Variants in TRDMT1 observed in about 807,000 individuals in gnomAD.
TRDMT1 encodes the protein tRNA (cytosine(38)-C(5))-methyltransferase.
TRDMT1 carries 49 observed loss-of-function variants against 51.2 expected under a neutral mutation model. The ratio of observed to expected loss-of-function variants is 0.96; its 90% CI spans 0.76 to 1.21. TRDMT1 has a LOEUF of 1.21. Ranked by LOEUF, TRDMT1 falls within the 50% of genes most tolerant of loss-of-function variation. The pLI, the probability that TRDMT1 is intolerant of heterozygous loss-of-function variation, is 0.00. For missense variants in TRDMT1, 534 were observed against 462.3 expected, an observed-to-expected ratio of 1.16 and a Z score of -1.42; for synonymous variants, 187 against 164.6, an observed-to-expected ratio of 1.14 and a Z score of -1.04.
rs1485561356 is a variant in TRDMT1, at chr10:17,153,202, G to C, written c.1075+305C>G. ...GACCTCTGGAAAAGAAAATAAGCTG[G>C]AAAGGGGATGCTATGCACAGCCATC... is the stretch of plus-strand genomic sequence containing the variant. On this transcript the variant is annotated intron_variant, in intron 10 of 10. Transcript: ENST00000377799. The C allele has an allele frequency of 6.0e-5, 26 of 434,164 alleles. No individual in the cohort carries two copies. The East Asian group carries it at 8.7e-4, about 15-fold the overall frequency. The allele number at this position is 434,164 out of a possible 1,614,324, so 26.9% of individuals were successfully genotyped here.
chr10:17,194,083 C>T (rs1282418952), intron 1 of TRDMT1, among the ~76,000 whole-genome samples: 2 of 152,130 alleles, frequency 1.3e-5, no homozygotes, highest in Admixed American at 1.3e-4. Context: ...ATAAACGGTG[C>T]TAGGATAGCT....
intron 1 of TRDMT1, among the ~76,000 whole-genome samples, chr10:17,190,650 C>A (rs1844572975): frequency 6.6e-6 from 1 of 152,112 alleles, no homozygotes; most frequent in South Asian, 2.1e-4. Context: ...CACAACCATG[C>A]CTACAAAAAC....
At chr10:17,191,238 T>C (rs1397231941) in intron 1 of TRDMT1, among the ~76,000 whole-genome samples, 1 of 152,180 alleles carries the variant, frequency 6.6e-6, no homozygotes, top group Non-Finnish European at 1.5e-5. Context: ...TTCAGGACTC[T>C]GGTTTCTGAG....
At chr10:17,184,639 C>T (rs1166776823) in intron 1 of TRDMT1, among the ~76,000 whole-genome samples, 1 of 152,076 alleles carries the variant, frequency 6.6e-6, no homozygotes, top group Non-Finnish European at 1.5e-5. Context: ...ATTTCTGCTA[C>T]AGATACCTCT....
At chr10:17,185,584 G>A (rs561976160) in intron 1 of TRDMT1, among the ~76,000 whole-genome samples, 2 of 152,284 alleles carry the variant, frequency 1.3e-5, no homozygotes, top group Non-Finnish European at 2.9e-5. Flanking sequence ...TATAAATCAT[G>A]CTGCCATAAA....
Position 17,149,115 on chromosome 10 carries a change from T to A in TRDMT1, c.1101A>T (p.Lys367Asn), listed in dbSNP as rs1411106482. The A allele has an allele frequency of 5.0e-6, 8 of 1,610,984 alleles. No individual in the cohort carries two copies. The highest frequency in any genetic ancestry group is 6.8e-6 in the Non-Finnish European group (8 of 1,178,782). The change falls in exon 11 of 11, where the codon AAA (lysine) becomes AAT (asparagine). Residue 367 changes from lysine to asparagine, a missense_variant. By Grantham distance (94) the Lys-to-Asn change is moderately conservative (BLOSUM62 0). Transcript: ENST00000377799. ...EFGFPEKITV[K>N]QRYRLLGNSL... ...TATTTCCAAGTAGGCGATAACGCTG[T>A]TTCACTGTTATCTTCTCAGGAAATC...
At chr10:17,191,174 G>A (rs1348378726) in intron 1 of TRDMT1, among the ~76,000 whole-genome samples, 1 of 152,198 alleles carries the variant, frequency 6.6e-6, no homozygotes, top group Non-Finnish European at 1.5e-5. Flanking sequence ...ACAGCCACAG[G>A]AGATGTGGCC....
At chr10:17,171,111 ATGTGTGTG>A (rs66891484) in intron 2 of TRDMT1, among the ~76,000 whole-genome samples, 2 of 142,824 alleles carry the variant, frequency 1.4e-5, no homozygotes, top group South Asian at 4.5e-4. Context: ...CTGGATTTAG[ATGTGTGTG>A]TGTGTGTGTG....
At chr10:17,161,853 T>G (rs966003013) in intron 4 of TRDMT1, among the ~76,000 whole-genome samples, 1 of 152,202 alleles carries the variant, frequency 6.6e-6, no homozygotes, top group Non-Finnish European at 1.5e-5. Flanking sequence ...CTTTAAGGGT[T>G]TGCACATATT....
chr10:17,151,591 A>C (rs1358005840), intron 10 of TRDMT1: 1 of 985,492 alleles, frequency 1.0e-6, no homozygotes, highest in Non-Finnish European at 1.2e-6. Context: ...AAAACATATC[A>C]CGTATTTTAG....
intron 1 of TRDMT1, among the ~76,000 whole-genome samples, chr10:17,180,866 T>A (rs7903252): frequency 0.95 from 144,324 of 152,286 alleles, 68,760 homozygotes; most frequent in Non-Finnish European, 1. Flanking sequence ...TTTTCCTATT[T>A]CAGAACTCAA....
At position 17,147,276 on chromosome 10, in the gene TRDMT1, T is replaced by A. The variant is rs547821389; in HGVS notation, c.*1764A>T. The A allele has an allele frequency of 3.2e-5, 32 of 985,712 alleles. No homozygotes were observed. The South Asian group carries it at 1.4e-3, about 43-fold the overall frequency. The allele number at this position is 985,712 out of a possible 1,614,324, so 61.1% of individuals were successfully genotyped here. On this transcript the variant is annotated 3_prime_UTR_variant, in exon 11 of 11. Transcript: ENST00000377799. Reference sequence around the variant, plus strand: ...GTAATAGGCTCTGTCTGAACACATATGAAAAATGTAGATAGTGATAGTTTC... The same window carrying A: ...GTAATAGGCTCTGTCTGAACACATAAGAAAAATGTAGATAGTGATAGTTTC...
Position 17,143,284 on chromosome 10 carries a change from C to A in TRDMT1, c.*5756G>T. On this transcript the variant is annotated 3_prime_UTR_variant, in exon 11 of 11. Coordinates refer to ENST00000377799, the MANE Select transcript of TRDMT1 (RefSeq NM_004412.7). ...ACTATGTGCCAGTACTGTTTTAAGT[C>A]ACTGGGGGGACAACGTATTAACAAT... 3.0e-6 allele frequency: 3 copies of A among 984,232 alleles called. No individual in the cohort carries two copies. The highest frequency in any genetic ancestry group is 3.6e-6 in the Non-Finnish European group (3 of 828,858). 61.0% of individuals were successfully genotyped at this position (984,232 alleles called of 1,614,324 possible). A position where few individuals can be genotyped will look rare whatever the true frequency, so the allele number is the denominator to read the frequency against.
intron 3 of TRDMT1, 26 bp from the exon 4 acceptor site, chr10:17,162,263 C>G: frequency 2.1e-6 from 2 of 967,420 alleles, no homozygotes; most frequent in South Asian, 1.9e-5. Context: ...AAAAAAAAAA[C>G]AAAAAAAAAC....
At chr10:17,158,968 A>G (rs1181087275) in intron 7 of TRDMT1, among the ~76,000 whole-genome samples, 178 bp downstream of exon 7, 1 of 152,140 alleles carries the variant, frequency 6.6e-6, no homozygotes, top group African/African-American at 2.4e-5. Context: ...TTTTAAAACA[A>G]TAAAAGTGGC....
At chr10:17,162,294 C>A (rs1206012477) in intron 3 of TRDMT1, 57 bp from the exon 4 acceptor site, 22 of 1,478,642 alleles carry the variant, frequency 1.5e-5, no homozygotes, top group African/African-American at 1.0e-4. Context: ...TATTAAGAAT[C>A]TGATAAAAAG....
At chr10:17,179,199 A>C (rs903442268) in intron 1 of TRDMT1, among the ~76,000 whole-genome samples, 1 of 152,200 alleles carries the variant, frequency 6.6e-6, no homozygotes, top group Non-Finnish European at 1.5e-5. Flanking sequence ...AAGTCTATTT[A>C]AAGTCATGTT....
chr10:17,146,005 C>T lies in TRDMT1; in HGVS notation c.*3035G>A, dbSNP rs1838074562. The T allele has an allele frequency of 1.0e-6, 1 of 985,362 alleles. No individual in the cohort carries two copies. The highest frequency in any genetic ancestry group is 1.7e-5 in the African/African-American group (1 of 57,258). 61.0% of individuals were successfully genotyped at this position (985,362 alleles called of 1,614,324 possible). On this transcript the variant is annotated 3_prime_UTR_variant, in exon 11 of 11. Coordinates refer to ENST00000377799, the MANE Select transcript of TRDMT1 (RefSeq NM_004412.7). ...CCCAGATGGTGATTTCTGCTGAGAA[C>T]TTCCACCCCTACCAATGCGTTGAAT...
In TRDMT1 at chr10:17,145,837, G is replaced by A. The variant is rs1171220482; in HGVS notation, c.*3203C>T. 36 of 985,338 alleles carry A rather than the reference G, an allele frequency of 3.7e-5. No individual in the cohort carries two copies. Among genetic ancestry groups the A allele is most frequent in the Non-Finnish European group, 4.2e-5 (35 of 829,938 alleles). 61.0% of individuals were successfully genotyped at this position (985,338 alleles called of 1,614,324 possible). A position where few individuals can be genotyped will look rare whatever the true frequency, so the allele number is the denominator to read the frequency against. On this transcript the variant is annotated 3_prime_UTR_variant, in exon 11 of 11. Transcript: ENST00000377799. ...ATCCTTTAGTAGGTGCTTGATATTAGATGAAATGTGGTTGCTTCTTTGTTC... is the reference window on the plus strand; with the variant it reads ...ATCCTTTAGTAGGTGCTTGATATTAAATGAAATGTGGTTGCTTCTTTGTTC...
Sources: gnomAD v4.1 joint callset for allele counts (sites outside exome capture counted in the v4.1 genomes callset) on GRCh38, gnomAD v4.1.1 for gene constraint, MANE v1.5 for transcripts, NCBI Gene and HGNC (gene_info 2026-07-23, HGNC 2026-07-21) for gene names.